Variants in KCNH7 observed in about 807,000 individuals in gnomAD.
KCNH7 encodes the protein voltage-gated inwardly rectifying potassium channel KCNH7.
In KCNH7, 49 loss-of-function variants were observed where a neutral mutation model predicts 120.8. The observed-to-expected ratio is 0.41, with a 90% CI of 0.32 to 0.51. The LOEUF is 0.51. Ranked by LOEUF, KCNH7 falls within the 20% of genes least tolerant of loss-of-function variation. KCNH7 has a pLI of 0.38. For synonymous variants in KCNH7, 547 were observed against 516.1 expected (o/e 1.06, Z -0.81); for missense variants, 1,097 against 1,446.6 (o/e 0.76, Z 3.92).
At chr2:162,420,105 G>T (rs1687654609) in intron 9 of KCNH7, among the ~76,000 whole-genome samples, 1 of 152,116 alleles carries the variant, frequency 6.6e-6, no homozygotes, top group Non-Finnish European at 1.5e-5. Flanking sequence ...GGCCAGGCAT[G>T]GTGGCTCTCA....
At chr2:162,717,501 G>A (rs955197085) in intron 2 of KCNH7, among the ~76,000 whole-genome samples, 1 of 152,058 alleles carries the variant, frequency 6.6e-6, no homozygotes, top group African/African-American at 2.4e-5. Context: ...TTTGCACCTT[G>A]TCATTCTTCA....
At chr2:162,765,239 C>A (rs1682743137) in intron 2 of KCNH7, among the ~76,000 whole-genome samples, 1 of 152,152 alleles carries the variant, frequency 6.6e-6, no homozygotes, top group South Asian at 2.1e-4. Context: ...TTTCAAAACT[C>A]CACTAATAGA....
chr2:162,719,850 T>C (rs1010421405), intron 2 of KCNH7, among the ~76,000 whole-genome samples: 1 of 152,014 alleles, frequency 6.6e-6, no homozygotes, highest in Non-Finnish European at 1.5e-5. Flanking sequence ...TTACCCCCCA[T>C]GTTAAGAGTC....
intron 2 of KCNH7, among the ~76,000 whole-genome samples, chr2:162,574,513 A>C (rs552309630): frequency 6.6e-6 from 1 of 152,182 alleles, no homozygotes; most frequent in East Asian, 1.9e-4. Context: ...TGCACTTGAA[A>C]TGTAAGCTAT....
intron 2 of KCNH7, among the ~76,000 whole-genome samples, chr2:162,729,319 C>A (rs1574315360): frequency 2.6e-5 from 4 of 152,204 alleles, no homozygotes; most frequent in South Asian, 2.1e-4. Context: ...GCGCCCGACA[C>A]CACGCCCGGC....
chr2:162,684,151 G>T (rs1449823343), intron 2 of KCNH7, among the ~76,000 whole-genome samples: 5 of 152,114 alleles, frequency 3.3e-5, no homozygotes, highest in Non-Finnish European at 7.4e-5. Flanking sequence ...GCCATATGCA[G>T]AAAACTGTAA....
chr2:162,824,187 C>A (rs1167721123), intron 2 of KCNH7, among the ~76,000 whole-genome samples: 1 of 152,056 alleles, frequency 6.6e-6, no homozygotes, highest in Non-Finnish European at 1.5e-5. Flanking sequence ...GTTATTGGGG[C>A]AGCCAGTAAT....
chr2:162,780,925 C>T lies in KCNH7; in HGVS notation c.307+55612G>A, dbSNP rs554360855. 8.7e-4 allele frequency among the ~76,000 whole-genome samples: 132 copies of T among 152,082 alleles called. 1 individual carries two copies. Among genetic ancestry groups the T allele is most frequent in the African/African-American group, 2.8e-3 (116 of 41,516 alleles). On this transcript the variant is annotated intron_variant, in intron 2 of 15. Transcript: ENST00000332142. ...GTAATAAACTGGTAAAATGATATAA[C>T]GTTAAATTGCCATCATTGTTTAATT...
At position 162,512,601 on chromosome 2, in the gene KCNH7, G is replaced by A. The variant is rs1447234019; in HGVS notation, c.913+53C>T. 2.6e-6 allele frequency: 4 copies of A among 1,545,208 alleles called. No homozygotes were observed. In the Admixed American group the frequency reaches 5.1e-5, roughly 20 times the overall value. On this transcript the variant is annotated intron_variant, in intron 5 of 15. Coordinates refer to ENST00000332142, the MANE Select transcript of KCNH7 (RefSeq NM_033272.4). ...CATACAGCAGGCAAGTTAACATGCC[G>A]AGTAAAGGGGCAGGTTGAACATCAG...
intron 2 of KCNH7, among the ~76,000 whole-genome samples, chr2:162,831,834 G>C (rs1447354860): frequency 6.6e-6 from 1 of 152,164 alleles, no homozygotes; most frequent in African/African-American, 2.4e-5. Context: ...AGACAACATG[G>C]CTTCTTGTTG....
chr2:162,586,802 A>G (rs1694035605), intron 2 of KCNH7, among the ~76,000 whole-genome samples: 1 of 151,986 alleles, frequency 6.6e-6, no homozygotes, highest in African/African-American at 2.4e-5. Flanking sequence ...AATTTTCACC[A>G]TGCCATAAAA....
chr2:162,830,568 C>A (rs1480888344), intron 2 of KCNH7, among the ~76,000 whole-genome samples: 1 of 152,112 alleles, frequency 6.6e-6, no homozygotes, highest in African/African-American at 2.4e-5. Context: ...AGCTGGGAAT[C>A]CAGCTGGATT....
At chr2:162,386,572 G>A (rs1686578116) in intron 12 of KCNH7, among the ~76,000 whole-genome samples, 1 of 151,702 alleles carries the variant, frequency 6.6e-6, no homozygotes, top group Admixed American at 6.6e-5. Flanking sequence ...AGAGATATTT[G>A]AATCAGCTCA....
chr2:162,612,617 C>T lies in KCNH7; in HGVS notation c.308-75537G>A, dbSNP rs185608863. Reference sequence around the variant, plus strand: ...TTTCCAGAGATAAGACCCTTCTAATCATAAACTCAAAGTCCATAATTAAAA... The same window carrying T: ...TTTCCAGAGATAAGACCCTTCTAATTATAAACTCAAAGTCCATAATTAAAA... On this transcript the variant is annotated intron_variant, in intron 2 of 15. Coordinates refer to ENST00000332142, the MANE Select transcript of KCNH7 (RefSeq NM_033272.4). Among the ~76,000 whole-genome samples, 15 of 151,990 alleles carry T rather than the reference C, an allele frequency of 9.9e-5. No homozygotes were observed. The East Asian group carries it at 2.9e-3, about 29-fold the overall frequency.
chr2:162,531,712 G>A (rs533334922), intron 3 of KCNH7, among the ~76,000 whole-genome samples: 83 of 151,914 alleles, frequency 5.5e-4, no homozygotes, highest in Non-Finnish European at 1.0e-3. Flanking sequence ...TTTTCTCCAA[G>A]TATAATATTG....
At chr2:162,577,291 G>GTCTATCTATCTGTCTA (rs1553497415) in intron 2 of KCNH7, among the ~76,000 whole-genome samples, 1 of 127,340 alleles carries the variant, frequency 7.9e-6, no homozygotes, top group East Asian at 2.2e-4. Flanking sequence ...AGATCTATCT[G>GTCTATCTATCTGTCTA]TCTATCTATC....
At chr2:162,520,385 A>G (rs765260464) in intron 3 of KCNH7, among the ~76,000 whole-genome samples, 10 of 151,684 alleles carry the variant, frequency 6.6e-5, no homozygotes, top group Admixed American at 1.3e-4. Context: ...TGGTTCACAT[A>G]ATTTCTTGCA....
intron 2 of KCNH7, among the ~76,000 whole-genome samples, chr2:162,673,893 C>A (rs1209509979): frequency 1.3e-5 from 2 of 151,850 alleles, no homozygotes; most frequent in African/African-American, 4.8e-5. Flanking sequence ...GAAGAAAATT[C>A]CTTAATGCTA....
chr2:162,753,018 GAAA>G (rs569585096), intron 2 of KCNH7, among the ~76,000 whole-genome samples: 5 of 143,324 alleles, frequency 3.5e-5, no homozygotes, highest in Admixed American at 2.9e-4. Context: ...GAAAAGAAAA[GAAA>G]AGAAAAGAAA....
Sources: allele counts gnomAD v4.1 joint callset (sites outside exome capture counted in the v4.1 genomes callset), GRCh38; gene constraint gnomAD v4.1.1; transcripts MANE v1.5; gene names NCBI Gene and HGNC (gene_info 2026-07-23, HGNC 2026-07-21).